Variants in ZFR2 observed in about 807,000 individuals in gnomAD.
ZFR2 encodes the protein zinc finger RNA binding protein 2, also known as zinc finger RNA-binding protein 2.
A neutral mutation model predicts 105.7 loss-of-function variants in ZFR2; 104 were observed. The ratio of observed to expected loss-of-function variants is 0.98; its 90% confidence interval spans 0.84 to 1.16. ZFR2 has a LOEUF of 1.16. Ranked by LOEUF, ZFR2 falls within the 50% of genes most tolerant of loss-of-function variation. The pLI is 0.00. For missense variants in ZFR2, 1,425 were observed against 1,355.5 expected (o/e 1.05, Z -0.80); for synonymous variants, 634 against 597.7 (o/e 1.06, Z -0.89).
chr19:3,857,099 T>C (rs1599255509), intron 1 of ZFR2: 1 of 133,650 alleles, frequency 7.5e-6, no homozygotes, highest in African/African-American at 2.9e-5. Context: ...TTTTTTTTTT[T>C]TTTTTTGAGA....
At chr19:3,850,420 A>G (rs2038226192) in intron 1 of ZFR2, among the ~76,000 whole-genome samples, 1 of 152,054 alleles carries the variant, frequency 6.6e-6, no homozygotes, top group South Asian at 2.1e-4. Flanking sequence ...CCACCTGGGC[A>G]TCTCATGACA....
At chr19:3,806,405 G>C (rs1180138076) in intron 18 of ZFR2, among the ~76,000 whole-genome samples, 1 of 152,230 alleles carries the variant, frequency 6.6e-6, no homozygotes, top group Non-Finnish European at 1.5e-5. Context: ...TGGGATTACA[G>C]GCGTGTGCCA....
chr19:3,862,951 G>A (rs1379795340), intron 1 of ZFR2, among the ~76,000 whole-genome samples: 1 of 152,232 alleles, frequency 6.6e-6, no homozygotes, highest in African/African-American at 2.4e-5. Flanking sequence ...AACAGCTGGA[G>A]GGGCCCACGG....
At chr19:3,842,153 C>T (rs1049302932) in intron 1 of ZFR2, among the ~76,000 whole-genome samples, 1 of 151,970 alleles carries the variant, frequency 6.6e-6, no homozygotes, top group Admixed American at 6.6e-5. Flanking sequence ...GCTGGGACTA[C>T]AGGCGTGCAC....
chr19:3,811,177 G>C (rs1332964308), intron 15 of ZFR2, 95 bp downstream of exon 15: 1 of 1,251,800 alleles, frequency 8.0e-7, no homozygotes, highest in Non-Finnish European at 1.1e-6. Flanking sequence ...GGGAGCCCAC[G>C]GGGCTGAGGC....
chr19:3,810,541 G>A lies in ZFR2; in HGVS notation c.2433+209C>T, dbSNP rs546763013. Among the ~76,000 whole-genome samples, 470 of 152,370 alleles carry A rather than the reference G, an allele frequency of 3.1e-3. 2 individuals carry two copies. Among genetic ancestry groups the A allele is most frequent in the Non-Finnish European group, 4.1e-3 (279 of 68,034 alleles). ...TCCCACATTTGCATGTGAGGTTCTG[G>A]GTTTTGAATAGTGGCAGTCAAATGA... On this transcript the variant is annotated intron_variant, in intron 16 of 18. Transcript: ENST00000262961.
intron 16 of ZFR2, among the ~76,000 whole-genome samples, 153 bp downstream of exon 16, chr19:3,810,597 G>T (rs2037752040): frequency 6.6e-6 from 1 of 152,254 alleles, no homozygotes; most frequent in African/African-American, 2.4e-5. Flanking sequence ...CCCCCGCAAG[G>T]GGACCTCAGG....
intron 1 of ZFR2, among the ~76,000 whole-genome samples, chr19:3,847,910 G>C (rs1196300130): frequency 6.6e-6 from 1 of 152,208 alleles, no homozygotes; most frequent in African/African-American, 2.4e-5. Flanking sequence ...ATACAGGAGA[G>C]GGGCGGAGTC....
In ZFR2 at chr19:3,805,756, C is replaced by A. The variant is rs1389082333; in HGVS notation, c.*193G>T. ...CTCAGGCTCAAGCAACTCAGCCTCC[C>A]AAAGTGCTGGGATTAAAGGCATGAG... On this transcript the variant is annotated 3_prime_UTR_variant, in exon 19 of 19. Coordinates refer to ENST00000262961, the MANE Select transcript of ZFR2 (RefSeq NM_015174.2). 2 of 614,588 alleles carry A rather than the reference C, an allele frequency of 3.3e-6. No homozygotes were observed. The highest frequency in any genetic ancestry group is 1.9e-5 in the African/African-American group (1 of 51,652). 38.1% of individuals were successfully genotyped at this position (614,588 alleles called of 1,614,324 possible). A position where few individuals can be genotyped will look rare whatever the true frequency, so the allele number is the denominator to read the frequency against.
At chr19:3,864,623 T>C (rs959565379) in intron 1 of ZFR2, among the ~76,000 whole-genome samples, 1 of 152,228 alleles carries the variant, frequency 6.6e-6, no homozygotes, top group Non-Finnish European at 1.5e-5. Flanking sequence ...GAGCTCTACA[T>C]ACTTTCATGA....
rs1016184716 is a variant in ZFR2, at chr19:3,838,092, A to G, written c.54-3109T>C. 6.6e-6 allele frequency among the ~76,000 whole-genome samples: 1 copy of G among 151,394 alleles called. No individual in the cohort carries two copies. The highest frequency in any genetic ancestry group is 1.5e-5 in the Non-Finnish European group (1 of 67,880). ...ATGAACACCATGACCGTGACACGCG[A>G]TGAACACCGTGACCGTGACACTCGA... On this transcript the variant is annotated intron_variant, in intron 1 of 18. Transcript: ENST00000262961. The surrounding 1 kb of genome is among the most constrained non-coding windows in gnomAD (Gnocchi z 4.9).
At chr19:3,816,924 G>A in intron 12 of ZFR2, 79 bp from the exon 13 acceptor site, 1 of 1,345,484 alleles carries the variant, frequency 7.4e-7, no homozygotes, top group South Asian at 1.4e-5. Flanking sequence ...CTGAGCTACG[G>A]GGACCCTGCA....
intron 14 of ZFR2, among the ~76,000 whole-genome samples, chr19:3,811,600 G>A (rs1238894648): frequency 2.6e-5 from 4 of 151,662 alleles, no homozygotes; most frequent in Non-Finnish European, 5.9e-5. Flanking sequence ...GATTACAGGT[G>A]CCCGCCACCA....
Position 3,855,358 on chromosome 19 carries a change from C to T in ZFR2, c.53+13607G>A, listed in dbSNP as rs1447085483. The T allele has an allele frequency of 4.1e-6, 5 of 1,231,098 alleles. No homozygotes were observed. In the East Asian group the frequency reaches 1.6e-4, roughly 39 times the overall value. 76.3% of individuals were successfully genotyped at this position (1,231,098 alleles called of 1,614,324 possible). Reference sequence around the variant, plus strand: ...AGGCACCATTTTAAAGATGATATTGCTTTTGCGGGTTGCACTATGAGAAAT... The same window carrying T: ...AGGCACCATTTTAAAGATGATATTGTTTTTGCGGGTTGCACTATGAGAAAT... On this transcript the variant is annotated intron_variant, in intron 1 of 18. Coordinates refer to ENST00000262961, the MANE Select transcript of ZFR2 (RefSeq NM_015174.2).
rs111253400 is a variant in ZFR2 at position 3,835,051 on chromosome 19, G to A, written c.54-68C>T. On this transcript the variant is annotated intron_variant, in intron 1 of 18. Transcript: ENST00000262961. ...GAGTTCTCAGGTGCACTGAGTTGAC[G>A]GTGTCAATTCCAGCCACCACTGGAC... The A allele has an allele frequency of 4.9e-3, 7,372 of 1,513,996 alleles. 264 individuals carry two copies. In the African/African-American group the frequency reaches 0.086, roughly 18 times the overall value. The allele number at this position is 1,513,996 out of a possible 1,614,324, so 93.8% of individuals were successfully genotyped here.
intron 1 of ZFR2, among the ~76,000 whole-genome samples, chr19:3,853,696 T>C (rs183491853): frequency 1.0e-3 from 152 of 152,236 alleles, no homozygotes; most frequent in African/African-American, 3.6e-3. Flanking sequence ...AAGTAATGGC[T>C]AATGGAGATG....
Position 3,809,637 on chromosome 19 carries a change from T to C in ZFR2, c.2434-654A>G, listed in dbSNP as rs1007119835. The stretch of plus-strand genomic sequence containing the variant: ...CCTCCTCCCAGGAGAGGAGAGGACG[T>C]TTCCCCTAAACAATGAGTGTGAAAG... On this transcript the variant is annotated intron_variant, in intron 16 of 18. Transcript: ENST00000262961. Among the ~76,000 whole-genome samples, 10 of 152,110 alleles carry C rather than the reference T, an allele frequency of 6.6e-5. 1 individual carries two copies. Among genetic ancestry groups the C allele is most frequent in the Admixed American group, 3.3e-4 (5 of 15,260 alleles).
intron 1 of ZFR2, among the ~76,000 whole-genome samples, chr19:3,862,801 C>T (rs1409667132): frequency 1.3e-5 from 2 of 152,212 alleles, no homozygotes; most frequent in African/African-American, 4.8e-5. Context: ...GCCCCTAACA[C>T]GTATTTCAGC....
chr19:3,828,530 G>GATGGAT (rs1568423793), intron 5 of ZFR2, among the ~76,000 whole-genome samples: 18 of 152,142 alleles, frequency 1.2e-4, no homozygotes, highest in African/African-American at 3.9e-4. Flanking sequence ...GGATAGTCAC[G>GATGGAT]TACACTTCCA....
Sources: allele counts gnomAD v4.1 joint callset (sites outside exome capture counted in the v4.1 genomes callset), GRCh38; gene constraint gnomAD v4.1.1; non-coding constraint Gnocchi (gnomAD v3.1); transcripts MANE v1.5; gene names NCBI Gene and HGNC (gene_info 2026-07-23, HGNC 2026-07-21).